Variants in MYCBP2 observed in about 807,000 individuals in gnomAD.
MYCBP2 encodes E3 ubiquitin-protein ligase MYCBP2.
In MYCBP2, 120 loss-of-function variants were observed where a neutral mutation model predicts 525.3. That is an observed-to-expected ratio of 0.23 (90% confidence interval 0.20 to 0.27). The LOEUF (loss-of-function observed/expected upper bound fraction) is 0.27, where lower values mean the gene tolerates loss of function less well. MYCBP2 is among the 10% of genes least tolerant of loss of function. MYCBP2 has a pLI of 1.00. For missense variants in MYCBP2, 4,149 were observed against 5,657.1 expected (o/e 0.73, Z 8.55); for synonymous variants, 1,894 against 1,955.8 (o/e 0.97, Z 0.83).
At chr13:77,110,183 G>A (rs531193655) in intron 55 of MYCBP2, 2 of 152,642 alleles carry the variant, frequency 1.3e-5, no homozygotes, top group East Asian at 1.9e-4. Context: ...GTGCAAGTAG[G>A]AGAGATATCA....
At chr13:77,284,305 G>A (rs1351406534) in intron 3 of MYCBP2, among the ~76,000 whole-genome samples, 1 of 152,044 alleles carries the variant, frequency 6.6e-6, no homozygotes, top group African/African-American at 2.4e-5. Flanking sequence ...ACACACTTAG[G>A]AGGAGCAACA....
intron 13 of MYCBP2, among the ~76,000 whole-genome samples, chr13:77,260,112 C>T (rs974034480): frequency 6.6e-6 from 1 of 152,160 alleles, no homozygotes; most frequent in Non-Finnish European, 1.5e-5. Context: ...AAAATCACTT[C>T]TTCAGGATAC....
At chr13:77,067,893 C>G in intron 70 of MYCBP2, 29 bp from the exon 71 acceptor site, 1 of 1,575,330 alleles carries the variant, frequency 6.3e-7, no homozygotes, top group Non-Finnish European at 8.6e-7. Context: ...TGAGAGAATT[C>G]CATGTAAAGA....
At chr13:77,104,460 A>G (rs2047556347) in intron 55 of MYCBP2, among the ~76,000 whole-genome samples, 1 of 152,118 alleles carries the variant, frequency 6.6e-6, no homozygotes, top group Non-Finnish European at 1.5e-5. Flanking sequence ...TATACATCAC[A>G]TCAGGTGCTG....
chr13:77,054,357 C>A (rs1027809071), intron 80 of MYCBP2, among the ~76,000 whole-genome samples: 2 of 151,944 alleles, frequency 1.3e-5, no homozygotes, highest in African/African-American at 4.8e-5. Context: ...GACTGGGCTA[C>A]CGTATTATAA....
chr13:77,061,350 G>A, intron 75 of MYCBP2, 49 bp from the exon 76 acceptor site: 1 of 1,444,088 alleles, frequency 6.9e-7, no homozygotes, highest in East Asian at 2.3e-5. Context: ...TTATCACTCT[G>A]AAAGGGAGAG....
At chr13:77,204,786 A>C (rs933857954) in intron 26 of MYCBP2, among the ~76,000 whole-genome samples, 1 of 130,586 alleles carries the variant, frequency 7.7e-6, no homozygotes, top group African/African-American at 2.9e-5. Context: ...TTCTCAGTAA[A>C]CTATCGCAAG....
rs1310463830 is a variant in MYCBP2, at chr13:77,058,384, C to T, written c.13163G>A (p.Ser4388Asn). 1 of 1,612,786 alleles carries T rather than the reference C, an allele frequency of 6.2e-7. No homozygotes were observed. The highest frequency in any genetic ancestry group is 1.7e-5 in the Admixed American group (1 of 59,886). The change falls in exon 78 of 83, where the codon AGT becomes AAT. Residue 4388 changes from serine (S) to asparagine (N), a missense_variant. By Grantham distance (46) the Ser-to-Asn change is conservative. This residue lies in a region of MYCBP2 where 220 missense variants were observed against 396.0 expected (regional missense o/e 0.56). Coordinates refer to ENST00000544440, the MANE Select transcript of MYCBP2 (RefSeq NM_015057.5). This position sits in a 1 kb window ranked among gnomAD's most constrained non-coding sequence, Gnocchi z 4.1. Reference sequence around the variant, plus strand: ...TGGATGGCCACAAGGATGCGTCTTACTACAGGCTATCTTAGCGTATTCCTG... The same window carrying T: ...TGGATGGCCACAAGGATGCGTCTTATTACAGGCTATCTTAGCGTATTCCTG... ...DCQEYAKIAC[S>N]KTHPCGHPCG...
chr13:77,124,800 AAG>A (rs145236140), intron 54 of MYCBP2, among the ~76,000 whole-genome samples: 9,833 of 152,294 alleles, frequency 0.065, 339 homozygotes, highest in Non-Finnish European at 0.073. Flanking sequence ...CAAGATATCA[AAG>A]AGAGGGGGAC....
intron 62 of MYCBP2, among the ~76,000 whole-genome samples, chr13:77,085,912 T>G (rs529313617): frequency 6.6e-6 from 1 of 152,288 alleles, no homozygotes; most frequent in South Asian, 2.1e-4. Flanking sequence ...CAGGAACAGA[T>G]AGCTGTTACA....
In MYCBP2 at chr13:77,058,129, T is replaced by G; in HGVS notation, c.13329+89A>C. The G allele has an allele frequency of 4.1e-6, 6 of 1,450,684 alleles. No individual in the cohort carries two copies. Among genetic ancestry groups the G allele is most frequent in the Non-Finnish European group, 5.6e-6 (6 of 1,065,506 alleles). 89.9% of individuals were successfully genotyped at this position (1,450,684 alleles called of 1,614,324 possible). A position where few individuals can be genotyped will look rare whatever the true frequency, so the allele number is the denominator to read the frequency against. On this transcript the variant is annotated intron_variant, in intron 78 of 82. Transcript: ENST00000544440. This position sits in a 1 kb window ranked among gnomAD's most constrained non-coding sequence, Gnocchi z 4.1. ...TGCTGGGATTACAGGCATGAGCCACTGCGCCCGGCCTCAATCAATGTTTAT... is the reference window on the plus strand; with the variant it reads ...TGCTGGGATTACAGGCATGAGCCACGGCGCCCGGCCTCAATCAATGTTTAT...
At chr13:77,299,722 A>G (rs2078566677) in intron 1 of MYCBP2, among the ~76,000 whole-genome samples, 1 of 152,202 alleles carries the variant, frequency 6.6e-6, no homozygotes, top group Non-Finnish European at 1.5e-5. Flanking sequence ...AGGGCTTTAT[A>G]TTCTAAATCA....
At chr13:77,248,708 T>C (rs1188500275) in intron 15 of MYCBP2, among the ~76,000 whole-genome samples, 1 of 152,120 alleles carries the variant, frequency 6.6e-6, no homozygotes. Context: ...GTATGGCAGT[T>C]CCTCAAAAGA....
At chr13:77,190,007 T>C (rs2061143986) in intron 29 of MYCBP2, among the ~76,000 whole-genome samples, 1 of 152,124 alleles carries the variant, frequency 6.6e-6, no homozygotes, top group Non-Finnish European at 1.5e-5. Flanking sequence ...AAAATATTGT[T>C]ATTGGTATAA....
At chr13:77,169,193 G>A (rs1403460171) in intron 39 of MYCBP2, among the ~76,000 whole-genome samples, 2 of 152,138 alleles carry the variant, frequency 1.3e-5, no homozygotes, top group African/African-American at 2.4e-5. Context: ...CGGATCACGA[G>A]GTCAGGAGAT....
chr13:77,222,934 C>A (rs9600837), intron 20 of MYCBP2, among the ~76,000 whole-genome samples: 10,154 of 152,220 alleles, frequency 0.067, 538 homozygotes, highest in African/African-American at 0.14. Context: ...GGCATATACA[C>A]TGTGACTGCG....
At chr13:77,210,072 T>G (rs1004003213) in intron 23 of MYCBP2, among the ~76,000 whole-genome samples, 1 of 152,188 alleles carries the variant, frequency 6.6e-6, no homozygotes, top group Non-Finnish European at 1.5e-5. Flanking sequence ...AGGAAAGAAG[T>G]GCTCAGCCCT....
chr13:77,287,656 A>G (rs555221091), intron 3 of MYCBP2, among the ~76,000 whole-genome samples: 1 of 152,218 alleles, frequency 6.6e-6, no homozygotes, highest in Non-Finnish European at 1.5e-5. Context: ...TTAGGCAGAA[A>G]GGAAAAGGCT....
At chr13:77,135,193 G>A (rs1402776723) in intron 52 of MYCBP2, among the ~76,000 whole-genome samples, 1 of 152,154 alleles carries the variant, frequency 6.6e-6, no homozygotes. Flanking sequence ...TTTTAAGTTA[G>A]CAGCATTGGT....
Sources: allele counts gnomAD v4.1 joint callset (sites outside exome capture counted in the v4.1 genomes callset), GRCh38; gene constraint gnomAD v4.1.1; regional missense constraint gnomAD v4.1.1; non-coding constraint Gnocchi (gnomAD v3.1); transcripts MANE v1.5; gene names NCBI Gene and HGNC (gene_info 2026-07-23, HGNC 2026-07-21).